Variants in RCOR3 observed in about 807,000 individuals in gnomAD.
The protein encoded by RCOR3 is REST corepressor 3.
In RCOR3, 13 loss-of-function variants were observed where a neutral mutation model predicts 64.1. The ratio of observed to expected loss-of-function variants is 0.20; its 90% confidence interval spans 0.13 to 0.32. The LOEUF (loss-of-function observed/expected upper bound fraction) is 0.32. RCOR3 is among the 10% of genes least tolerant of loss of function. The pLI is 1.00. For synonymous variants in RCOR3, 215 were observed against 239.0 expected (o/e 0.90, Z 0.93); for missense variants, 489 against 701.2 (o/e 0.70, Z 3.42).
At chr1:211,290,680 G>A (rs1699143931) in intron 8 of RCOR3, among the ~76,000 whole-genome samples, 1 of 152,070 alleles carries the variant, frequency 6.6e-6, no homozygotes, top group African/African-American at 2.4e-5. Context: ...TCGGCCTCTT[G>A]TTGATTCTTT....
chr1:211,284,820 G>C (rs922197153), intron 7 of RCOR3, among the ~76,000 whole-genome samples: 2 of 152,128 alleles, frequency 1.3e-5, no homozygotes, highest in Non-Finnish European at 2.9e-5. Context: ...TACCATGCCT[G>C]GCTATTTATT....
intron 7 of RCOR3, among the ~76,000 whole-genome samples, chr1:211,287,857 G>A (rs1046005381): frequency 1.3e-5 from 2 of 151,618 alleles, no homozygotes; most frequent in African/African-American, 2.4e-5. Context: ...CAGCCTGGGG[G>A]ACCAAAAAAA....
At chr1:211,279,353 A>G (rs1297099692) in intron 7 of RCOR3, 37 bp downstream of exon 7, 1 of 1,442,562 alleles carries the variant, frequency 6.9e-7, no homozygotes, top group Admixed American at 1.8e-5. Context: ...TGATTGTTCT[A>G]CAAATCTGCT....
At chr1:211,274,316 A>C in intron 4 of RCOR3, 54 bp downstream of exon 4, 1 of 1,229,800 alleles carries the variant, frequency 8.1e-7, no homozygotes, top group South Asian at 1.3e-5. Context: ...TACCAAATCT[A>C]GATTATCTCA....
At position 211,276,543 on chromosome 1, in the gene RCOR3, G is replaced by T. The variant is rs1262177236; in HGVS notation, c.516+125G>T. The T allele has an allele frequency of 3.5e-6, 3 of 849,906 alleles. No individual in the cohort carries two copies. The East Asian group carries it at 8.3e-5, about 23-fold the overall frequency. The allele number at this position is 849,906 out of a possible 1,614,324, so 52.6% of individuals were successfully genotyped here. A position where few individuals can be genotyped will look rare whatever the true frequency, so the allele number is the denominator to read the frequency against. On this transcript the variant is annotated intron_variant, in intron 5 of 11. Transcript: ENST00000419091. ...TAATTTTAAAAACTATTTGTAAGTAGGTATATTTATATACAATCCTGTTTT... is the reference window on the plus strand; with the variant it reads ...TAATTTTAAAAACTATTTGTAAGTATGTATATTTATATACAATCCTGTTTT...
chr1:211,305,728 G>A (rs1304194233), intron 10 of RCOR3, among the ~76,000 whole-genome samples: 3 of 152,150 alleles, frequency 2.0e-5, no homozygotes, highest in Non-Finnish European at 2.9e-5. Context: ...AGTAATTTAA[G>A]TTATAGAGTC....
chr1:211,287,017 A>T (rs1049747703), intron 7 of RCOR3, among the ~76,000 whole-genome samples: 1 of 152,106 alleles, frequency 6.6e-6, no homozygotes, highest in Non-Finnish European at 1.5e-5. Context: ...TCTAGAGAGG[A>T]TTTGCATTTG....
chr1:211,286,388 A>AG (rs1698532055), intron 7 of RCOR3, among the ~76,000 whole-genome samples: 1 of 148,234 alleles, frequency 6.7e-6, no homozygotes, highest in African/African-American at 2.5e-5. Context: ...GCTCACTGCA[A>AG]CCTCCGCTTC....
Position 211,314,977 on chromosome 1 carries a change from A to C in RCOR3, c.*1209A>C, listed in dbSNP as rs1252423889. 1.3e-5 allele frequency: 2 copies of C among 152,226 alleles called. No individual in the cohort carries two copies. Among genetic ancestry groups the C allele is most frequent in the Non-Finnish European group, 2.9e-5 (2 of 68,022 alleles). 9.4% of individuals were successfully genotyped at this position (152,226 alleles called of 1,614,324 possible). A position where few individuals can be genotyped will look rare whatever the true frequency, so the allele number is the denominator to read the frequency against. ...ATTGTCACAGTTGTGCTGTTAACTA[A>C]AAATGCTGAGACCCCTTTTTATAGA... On this transcript the variant is annotated 3_prime_UTR_variant, in exon 12 of 12. Coordinates refer to ENST00000419091, the MANE Select transcript of RCOR3 (RefSeq NM_001136223.3).
At chr1:211,308,969 T>C (rs946774952) in intron 10 of RCOR3, among the ~76,000 whole-genome samples, 3 of 151,310 alleles carry the variant, frequency 2.0e-5, no homozygotes, top group African/African-American at 7.3e-5. Context: ...GCCTTGGCCT[T>C]CTAAAGTGTT....
At chr1:211,299,359 G>A (rs995353922) in intron 9 of RCOR3, among the ~76,000 whole-genome samples, 6 of 152,144 alleles carry the variant, frequency 3.9e-5, no homozygotes, top group African/African-American at 1.4e-4. Flanking sequence ...GCTTTGATTT[G>A]TTTTGGATGG....
At position 211,276,434 on chromosome 1, in the gene RCOR3, T is replaced by G; in HGVS notation, c.516+16T>G. 6.2e-7 allele frequency: 1 copy of G among 1,608,354 alleles called. No individual in the cohort carries two copies. ...TCAGCAAATGGTATGGTAATTTTAATCTTACTGTGGTTCATATGTGAATGA... is the reference window on the plus strand; with the variant it reads ...TCAGCAAATGGTATGGTAATTTTAAGCTTACTGTGGTTCATATGTGAATGA... On this transcript the variant is annotated intron_variant, in intron 5 of 11. Coordinates refer to ENST00000419091, the MANE Select transcript of RCOR3 (RefSeq NM_001136223.3).
Position 211,259,568 on chromosome 1 carries a change from G to T in RCOR3, c.8G>T (p.Gly3Val). MP[G>V]MMEKGPELLG... ...CCCCTCCCCTGTTCTACCATGCCCG[G>T]CATGATGGAGAAAGGGCCCGAGTTA... Residue 3 changes from glycine to valine, a missense_variant, in exon 1 of 12, where the codon GGC (glycine) becomes GTC (valine). By Grantham distance (109) the Gly-to-Val change is moderately radical (BLOSUM62 -3). Transcript: ENST00000419091. The T allele has an allele frequency of 1.3e-6, 2 of 1,546,474 alleles. No individual in the cohort carries two copies. The highest frequency in any genetic ancestry group is 1.7e-6 in the Non-Finnish European group (2 of 1,145,326).
chr1:211,262,290 C>T (rs1218171245), intron 2 of RCOR3, among the ~76,000 whole-genome samples: 4 of 152,008 alleles, frequency 2.6e-5, no homozygotes, highest in Non-Finnish European at 5.9e-5. Flanking sequence ...CTGCCTCGAC[C>T]TCCCAAAGTG....
intron 10 of RCOR3, among the ~76,000 whole-genome samples, chr1:211,309,086 T>TAAAA (rs10688171): frequency 0.039 from 4,407 of 113,798 alleles, 178 homozygotes; most frequent in Non-Finnish European, 0.054. Flanking sequence ...TAGCTAAACA[T>TAAAA]AAAAAAAAAA....
At chr1:211,270,168 G>A (rs1017503416) in intron 2 of RCOR3, among the ~76,000 whole-genome samples, 1 of 151,220 alleles carries the variant, frequency 6.6e-6, no homozygotes, top group Non-Finnish European at 1.5e-5. Flanking sequence ...GGTTCAAGCA[G>A]TTCTCCTGCG....
chr1:211,300,141 G>A (rs1700233230), intron 9 of RCOR3, among the ~76,000 whole-genome samples: 1 of 147,552 alleles, frequency 6.8e-6, no homozygotes, highest in Non-Finnish European at 1.5e-5. Context: ...CATGATCTCG[G>A]CTCTCTGCAA....
intron 2 of RCOR3, among the ~76,000 whole-genome samples, chr1:211,270,475 G>GAAATA (rs1390423559): frequency 6.7e-6 from 1 of 149,784 alleles, no homozygotes; most frequent in Non-Finnish European, 1.5e-5. Context: ...CCCTTAGCAA[G>GAAATA]AAATAAAATT....
intron 9 of RCOR3, among the ~76,000 whole-genome samples, chr1:211,296,746 A>C (rs10863887): frequency 0.96 from 145,475 of 152,128 alleles, 69,622 homozygotes; most frequent in East Asian, 1. Flanking sequence ...TCATTCCTTG[A>C]CCACAGGTAG....
Sources: gnomAD v4.1 joint callset for allele counts (sites outside exome capture counted in the v4.1 genomes callset) on GRCh38, gnomAD v4.1.1 for gene constraint, MANE v1.5 for transcripts, NCBI Gene and HGNC (gene_info 2026-07-23, HGNC 2026-07-21) for gene names.